SLC26A11: variants seen among roughly 807,000 people sequenced by gnomAD.
SLC26A11 encodes the protein solute carrier family 26 member 11, also known as sodium-independent sulfate anion transporter.
SLC26A11 carries 58 observed loss-of-function variants against 62.2 expected under a neutral mutation model. The observed-to-expected ratio is 0.93, with a 90% CI of 0.76 to 1.16. The LOEUF (loss-of-function observed/expected upper bound fraction) is 1.16, where lower values mean the gene tolerates loss of function less well. Ranked by LOEUF, SLC26A11 falls within the 50% of genes most tolerant of loss-of-function variation. SLC26A11 has a pLI of 0.00. For synonymous variants in SLC26A11, 411 were observed against 368.9 expected, an observed-to-expected ratio of 1.11 and a Z score of -1.31; for missense variants, 790 against 794.3, an observed-to-expected ratio of 0.99 and a Z score of 0.06.
chr17:80,227,773 G>A (rs2042449948), intron 6 of SLC26A11, 45 bp from the exon 7 acceptor site: 14 of 1,593,422 alleles, frequency 8.8e-6, no homozygotes, highest in Non-Finnish European at 1.2e-5. Context: ...TCAGCAGTAG[G>A]CCTGGGCCGA....
rs1259182473 is a variant in SLC26A11, at chr17:80,246,394, C to T, written c.1154-115C>T. 1.8e-5 allele frequency: 26 copies of T among 1,468,962 alleles called. No individual in the cohort carries two copies. The highest frequency in any genetic ancestry group is 5.1e-5 in the South Asian group (4 of 78,346). 91.0% of individuals were successfully genotyped at this position (1,468,962 alleles called of 1,614,324 possible). Reference sequence around the variant, plus strand: ...AGCAGGGGCTGGGGGCCTTGGCAGTCGTCGCCCTACCCCCACCCCTGTCCC... The same window carrying T: ...AGCAGGGGCTGGGGGCCTTGGCAGTTGTCGCCCTACCCCCACCCCTGTCCC... On this transcript the variant is annotated intron_variant, in intron 12 of 17. Transcript: ENST00000361193. The surrounding 1 kb of genome is among the most constrained non-coding windows in gnomAD (Gnocchi z 4.4).
Position 80,221,571 on chromosome 17 carries a change from C to T in SLC26A11, c.11C>T (p.Ser4Leu). The T allele has an allele frequency of 3.1e-6, 5 of 1,594,890 alleles. No homozygotes were observed. The highest frequency in any genetic ancestry group is 4.3e-6 in the Non-Finnish European group (5 of 1,174,798). ...AGCCCCACCGTAGAGATGCCTTCTTCGGTGACGGCGCTGGGTCAGGCCAGG... is the reference window on the plus strand; with the variant it reads ...AGCCCCACCGTAGAGATGCCTTCTTTGGTGACGGCGCTGGGTCAGGCCAGG... Reference protein sequence around the residue: MPSSVTALGQARSS... With the variant: MPSLVTALGQARSS... The change falls in exon 3 of 18, where the codon TCG becomes TTG. Residue 4 changes from serine to leucine, a missense_variant. Coordinates refer to ENST00000361193, the MANE Select transcript of SLC26A11 (RefSeq NM_001166347.2).
rs147273515 is a variant in SLC26A11 at position 80,234,190 on chromosome 17, A to G, written c.737-2738A>G. Among the ~76,000 whole-genome samples, 354 of 152,162 alleles carry G rather than the reference A, an allele frequency of 2.3e-3. 2 individuals are homozygous for G. Among genetic ancestry groups the G allele is most frequent in the African/African-American group, 7.8e-3 (324 of 41,520 alleles). ...CGGCTAATTTTTGTACTTTTAGCAG[A>G]GATGGGGTTTTGCCATGTTGGCCAG... On this transcript the variant is annotated intron_variant, in intron 7 of 17. Transcript: ENST00000361193.
chr17:80,248,476 A>G, intron 14 of SLC26A11, 99 bp from the exon 15 acceptor site: 1 of 1,354,220 alleles, frequency 7.4e-7, no homozygotes, highest in Non-Finnish European at 1.0e-6. Context: ...GGTCCCCTGC[A>G]GCACACTAGG....
chr17:80,248,227 C>T lies in SLC26A11; in HGVS notation c.1392C>T (p.Leu464=), dbSNP rs770872700. ...GGGCCCTGGTGTCTCTGCTCATGCT[C>T]CTGCACTCTGCAGCCAGGCCTGAGA... ...LAGALVSLLM[L]LHSAARPETK... is the part of the protein sequence containing the mutation. Residue 464 remains leucine (L), a synonymous_variant, in exon 14 of 18, where the codon CTC becomes CTT. Transcript: ENST00000361193. 2.5e-6 allele frequency: 4 copies of T among 1,609,670 alleles called. No homozygotes were observed. The highest frequency in any genetic ancestry group is 1.7e-5 in the Admixed American group (1 of 59,838).
Position 80,227,110 on chromosome 17 carries a change from A to G in SLC26A11, c.594-708A>G, listed in dbSNP as rs571625872. Among the ~76,000 whole-genome samples the G allele has an allele frequency of 2.0e-5, 3 of 152,336 alleles. No homozygotes were observed. In the South Asian group the frequency reaches 6.2e-4, roughly 32 times the overall value. ...GTCCTAAGCCTTCTAGAATGTCTAG[A>G]GCAGGGTGTCCAGTCTTTTGTCTTC... is the stretch of plus-strand genomic sequence containing the variant. On this transcript the variant is annotated intron_variant, in intron 6 of 17. Transcript: ENST00000361193.
intron 10 of SLC26A11, among the ~76,000 whole-genome samples, chr17:80,243,728 C>A (rs1011005723): frequency 2.0e-5 from 3 of 152,224 alleles, no homozygotes; most frequent in African/African-American, 7.2e-5. Context: ...TACCACAGAT[C>A]TATTCTGACA....
chr17:80,221,321 C>T lies in SLC26A11; in HGVS notation c.-14+206C>T, dbSNP rs74000633. ...GGACAGAAGGCACCCAGGATTTGCA[C>T]GGGGGGGATTCAGGGAGAGAGGGTG... On this transcript the variant is annotated intron_variant, in intron 2 of 17. Transcript: ENST00000361193. The T allele has an allele frequency of 4.5e-3, 2,138 of 479,632 alleles. 43 individuals carry two copies. Among genetic ancestry groups the T allele is most frequent in the African/African-American group, 0.038 (1,908 of 50,084 alleles). 29.7% of individuals were successfully genotyped at this position (479,632 alleles called of 1,614,324 possible).
intron 6 of SLC26A11, 86 bp from the exon 7 acceptor site, chr17:80,227,732 T>A: frequency 6.5e-7 from 1 of 1,530,452 alleles, no homozygotes; most frequent in South Asian, 1.2e-5. Context: ...TCTTAGTGCC[T>A]CTCAGCTTAA....
At position 80,252,571 on chromosome 17, in the gene SLC26A11, C is replaced by T; in HGVS notation, c.1730-54C>T. Reference sequence around the variant, plus strand: ...CCTTAATCCCTTCCTGTGAACTGACCCATCCTCACTTCTGAGCTTTTAGTG... The same window carrying T: ...CCTTAATCCCTTCCTGTGAACTGACTCATCCTCACTTCTGAGCTTTTAGTG... On this transcript the variant is annotated intron_variant, in intron 17 of 17. Coordinates refer to ENST00000361193, the MANE Select transcript of SLC26A11 (RefSeq NM_001166347.2). The surrounding 1 kb of genome is among the most constrained non-coding windows in gnomAD (Gnocchi z 5.2). The T allele has an allele frequency of 1.3e-6, 2 of 1,553,418 alleles. No individual in the cohort carries two copies. The highest frequency in any genetic ancestry group is 1.4e-5 in the African/African-American group (1 of 73,736).
At chr17:80,225,348 C>G (rs1048753154) in intron 5 of SLC26A11, among the ~76,000 whole-genome samples, 1 of 152,232 alleles carries the variant, frequency 6.6e-6, no homozygotes. Flanking sequence ...CTGCACACTA[C>G]GAAGAGATTT....
intron 5 of SLC26A11, chr17:80,225,442 A>G (rs957609281): frequency 1.4e-5 from 3 of 212,750 alleles, no homozygotes; most frequent in Non-Finnish European, 2.9e-5. Flanking sequence ...AAGGGTCTAC[A>G]CTGCAGGGGG....
At chr17:80,239,984 G>A (rs2042813556) in intron 9 of SLC26A11, among the ~76,000 whole-genome samples, 1 of 152,274 alleles carries the variant, frequency 6.6e-6, no homozygotes, top group Admixed American at 6.5e-5. Context: ...CAGCAGAGTT[G>A]CGTAGCTGCA....
At position 80,224,103 on chromosome 17, in the gene SLC26A11, C is replaced by T. The variant is rs139526948; in HGVS notation, c.513+766C>T. 1.5e-4 allele frequency among the ~76,000 whole-genome samples: 23 copies of T among 152,314 alleles called. 1 individual carries two copies. In the East Asian group the frequency reaches 2.7e-3, roughly 18 times the overall value. Reference sequence around the variant, plus strand: ...GCAGGTCATCTTCCCCAAGCCAGGCCCTGTTCCAGGCTGGCCTGAGACAGT... The same window carrying T: ...GCAGGTCATCTTCCCCAAGCCAGGCTCTGTTCCAGGCTGGCCTGAGACAGT... On this transcript the variant is annotated intron_variant, in intron 5 of 17. Transcript: ENST00000361193.
In SLC26A11 at chr17:80,238,828, T is replaced by G. The variant is rs1481598748; in HGVS notation, c.985+1234T>G. ...TCAAAGGAGTTTTTTTTGTTTTTTG[T>G]TTTTTTTTTTTTTTGGAGACAGAGT... On this transcript the variant is annotated intron_variant, in intron 9 of 17. Coordinates refer to ENST00000361193, the MANE Select transcript of SLC26A11 (RefSeq NM_001166347.2). Among the ~76,000 whole-genome samples, 50 of 136,378 alleles carry G rather than the reference T, an allele frequency of 3.7e-4. 1 individual carries two copies. The highest frequency in any genetic ancestry group is 5.2e-4 in the African/African-American group (18 of 34,584). The allele number at this position is 136,378 out of a possible 152,430, so 89.5% of individuals were successfully genotyped here.
chr17:80,246,653 C>A lies in SLC26A11; in HGVS notation c.1294+4C>A. On this transcript the variant is annotated splice_donor_region_variant and intron_variant, in intron 13 of 17. Transcript: ENST00000361193. The surrounding 1 kb of genome is among the most constrained non-coding windows in gnomAD (Gnocchi z 4.4). ...AGGACGCTCTGGCGTGTTAAGAGTA[C>A]GTCCTTGTCCTACAGGGGAGAGCGC... The A allele has an allele frequency of 1.2e-6, 2 of 1,613,124 alleles. No individual in the cohort carries two copies. The highest frequency in any genetic ancestry group is 8.5e-7 in the Non-Finnish European group (1 of 1,179,690).
chr17:80,246,018 C>A lies in SLC26A11; in HGVS notation c.1098-136C>A. 1 of 1,020,636 alleles carries A rather than the reference C, an allele frequency of 9.8e-7. No individual in the cohort carries two copies. Among genetic ancestry groups the A allele is most frequent in the Non-Finnish European group, 1.5e-6 (1 of 652,712 alleles). 63.2% of individuals were successfully genotyped at this position (1,020,636 alleles called of 1,614,324 possible). A position where few individuals can be genotyped will look rare whatever the true frequency, so the allele number is the denominator to read the frequency against. On this transcript the variant is annotated intron_variant, in intron 11 of 17. Coordinates refer to ENST00000361193, the MANE Select transcript of SLC26A11 (RefSeq NM_001166347.2). The surrounding 1 kb of genome is among the most constrained non-coding windows in gnomAD (Gnocchi z 4.4). ...GCACCCTAAGTCTCTTTGCCTCGGT[C>A]CCCTTGCAGTCCCCGCCTGCTTCCC...
rs369710946 is a variant in SLC26A11 at position 80,224,382 on chromosome 17, C to T, written c.513+1045C>T. Among the ~76,000 whole-genome samples, 826 of 119,598 alleles carry T rather than the reference C, an allele frequency of 6.9e-3. 6 individuals are homozygous for T. Among genetic ancestry groups the T allele is most frequent in the African/African-American group, 0.015 (454 of 31,162 alleles). 78.5% of individuals were successfully genotyped at this position (119,598 alleles called of 152,430 possible). A position where few individuals can be genotyped will look rare whatever the true frequency, so the allele number is the denominator to read the frequency against. On this transcript the variant is annotated intron_variant, in intron 5 of 17. Transcript: ENST00000361193. The stretch of plus-strand genomic sequence containing the variant: ...GTGAGGGAGTGTGAGTGCGCGCGCG[C>T]GTGTGTGAGTGTATGAGTGTGAGAG...
chr17:80,226,058 G>T, intron 6 of SLC26A11, 142 bp downstream of exon 6: 1 of 681,388 alleles, frequency 1.5e-6, no homozygotes. Flanking sequence ...GCACCTGCAA[G>T]CTGGCAAGAA....
Sources: allele counts gnomAD v4.1 joint callset (sites outside exome capture counted in the v4.1 genomes callset), GRCh38; gene constraint gnomAD v4.1.1; non-coding constraint Gnocchi (gnomAD v3.1); transcripts MANE v1.5; gene names NCBI Gene and HGNC (gene_info 2026-07-23, HGNC 2026-07-21).